CPQ: variants seen among roughly 807,000 people sequenced by gnomAD.
CPQ encodes the protein carboxypeptidase Q.
A neutral mutation model predicts 45.7 loss-of-function variants in CPQ; 37 were observed. The ratio of observed to expected loss-of-function variants is 0.81; its 90% CI spans 0.62 to 1.07. CPQ has a LOEUF of 1.07. Ranked by LOEUF, CPQ falls within the 50% of genes least tolerant of loss-of-function variation. The pLI is 0.00. For missense variants in CPQ, 537 were observed against 572.9 expected (o/e 0.94, Z 0.64); for synonymous variants, 186 against 205.8 (o/e 0.90, Z 0.82).
At chr8:96,757,366 A>G (rs985178668) in intron 1 of CPQ, among the ~76,000 whole-genome samples, 212 of 126,434 alleles carry the variant, frequency 1.7e-3, no homozygotes, top group African/African-American at 4.2e-3. Flanking sequence ...TAATAATAAT[A>G]ATAATAATAA....
chr8:96,800,905 C>T (rs1003682550), intron 2 of CPQ, among the ~76,000 whole-genome samples: 7 of 151,416 alleles, frequency 4.6e-5, no homozygotes, highest in Non-Finnish European at 1.5e-5. Flanking sequence ...GACAAAGAGA[C>T]TTGCGATGAA....
intron 7 of CPQ, among the ~76,000 whole-genome samples, chr8:97,101,676 A>C (rs1340046528): frequency 1.3e-5 from 2 of 150,344 alleles, no homozygotes; most frequent in Middle Eastern, 3.2e-3. Context: ...AGTAGCCAAT[A>C]CCAGAGATCA....
intron 1 of CPQ, among the ~76,000 whole-genome samples, chr8:96,670,627 G>C (rs1048842270): frequency 1.3e-5 from 2 of 152,034 alleles, no homozygotes; most frequent in African/African-American, 4.8e-5. Flanking sequence ...AAAGAATCCA[G>C]TTGTCCTTAA....
intron 7 of CPQ, among the ~76,000 whole-genome samples, chr8:97,096,322 T>C (rs1237259013): frequency 6.6e-6 from 1 of 152,168 alleles, no homozygotes; most frequent in South Asian, 2.1e-4. Context: ...AACCTTATCC[T>C]TATTACTTTA....
chr8:96,829,892 C>T (rs143732809), intron 2 of CPQ, among the ~76,000 whole-genome samples: 117 of 152,180 alleles, frequency 7.7e-4, no homozygotes, highest in Middle Eastern at 3.4e-3. Flanking sequence ...CATTGCCCAG[C>T]GTGAAATTTT....
chr8:97,026,395 A>G (rs1241621038), intron 5 of CPQ, among the ~76,000 whole-genome samples: 1 of 152,224 alleles, frequency 6.6e-6, no homozygotes, highest in African/African-American at 2.4e-5. Flanking sequence ...CAGAGCCAGG[A>G]GTAAAACACA....
At chr8:96,824,381 G>A (rs1046808813) in intron 2 of CPQ, among the ~76,000 whole-genome samples, 1 of 152,024 alleles carries the variant, frequency 6.6e-6, no homozygotes, top group Non-Finnish European at 1.5e-5. Flanking sequence ...TTCCTGGCCA[G>A]AGTACACATA....
At chr8:96,841,885 T>A (rs146478915) in intron 3 of CPQ, among the ~76,000 whole-genome samples, 1 of 152,068 alleles carries the variant, frequency 6.6e-6, no homozygotes, top group East Asian at 1.9e-4. Context: ...AGTACATAAA[T>A]CAATCTCTAT....
chr8:96,966,171 T>A (rs1044308153), intron 5 of CPQ, 125 bp downstream of exon 5: 2 of 634,268 alleles, frequency 3.2e-6, no homozygotes, highest in Admixed American at 7.0e-5. Context: ...GGTCAGTTGA[T>A]TCCCAGAAAA....
intron 5 of CPQ, among the ~76,000 whole-genome samples, chr8:96,995,919 A>C (rs898505534): frequency 6.6e-6 from 1 of 152,016 alleles, no homozygotes; most frequent in Non-Finnish European, 1.5e-5. Flanking sequence ...AATTTGGGAG[A>C]TGAATTAGAG....
intron 2 of CPQ, among the ~76,000 whole-genome samples, chr8:96,791,651 G>T (rs1810847431): frequency 6.6e-6 from 1 of 152,208 alleles, no homozygotes; most frequent in Admixed American, 6.5e-5. Flanking sequence ...GCTCTGAAGA[G>T]ACTGGAGAGT....
chr8:96,718,180 C>G (rs1435961638), intron 1 of CPQ, among the ~76,000 whole-genome samples: 1 of 152,160 alleles, frequency 6.6e-6, no homozygotes, highest in Non-Finnish European at 1.5e-5. Flanking sequence ...GGGAGTTCAT[C>G]CGTACTTGAG....
Position 96,843,884 on chromosome 8 carries a change from G to A in CPQ, c.641+8704G>A, listed in dbSNP as rs527668315. Among the ~76,000 whole-genome samples, 5 of 152,260 alleles carry A rather than the reference G, an allele frequency of 3.3e-5. No homozygotes were observed. The East Asian group carries it at 9.6e-4, about 29-fold the overall frequency. ...AGTATTGCAAACTCCATATTACTAT[G>A]GTGCTTTGTGGGGCTGCTATAATTA... On this transcript the variant is annotated intron_variant, in intron 3 of 7. Coordinates refer to ENST00000220763, the MANE Select transcript of CPQ (RefSeq NM_016134.4).
intron 1 of CPQ, among the ~76,000 whole-genome samples, chr8:96,779,122 A>T (rs1810653122): frequency 6.6e-6 from 1 of 151,452 alleles, no homozygotes; most frequent in African/African-American, 2.4e-5. Context: ...ATGCAAAAGG[A>T]TGTCTGACTT....
intron 3 of CPQ, among the ~76,000 whole-genome samples, chr8:96,842,619 AG>A (rs1454241658): frequency 6.6e-6 from 1 of 152,132 alleles, no homozygotes; most frequent in Non-Finnish European, 1.5e-5. Flanking sequence ...GATTTTTGGA[AG>A]GTACATTCTT....
At chr8:97,044,940 G>C (rs1586512108) in intron 6 of CPQ, among the ~76,000 whole-genome samples, 1 of 152,304 alleles carries the variant, frequency 6.6e-6, no homozygotes, top group Middle Eastern at 3.4e-3. Context: ...CAGGGGTCAG[G>C]GACCCACTTG....
intron 4 of CPQ, among the ~76,000 whole-genome samples, chr8:96,932,974 C>A (rs772858047): frequency 2.6e-5 from 4 of 152,170 alleles, no homozygotes; most frequent in Non-Finnish European, 5.9e-5. Context: ...ACTCTAGCAA[C>A]CATTGGCTTC....
intron 4 of CPQ, among the ~76,000 whole-genome samples, chr8:96,940,178 A>G (rs1327502680): frequency 6.6e-6 from 1 of 152,122 alleles, no homozygotes; most frequent in Non-Finnish European, 1.5e-5. Flanking sequence ...ATTATATTTA[A>G]AAATAATTAA....
chr8:97,021,631 A>G (rs1809685618), intron 5 of CPQ, among the ~76,000 whole-genome samples: 1 of 152,188 alleles, frequency 6.6e-6, no homozygotes, highest in South Asian at 2.1e-4. Flanking sequence ...AGATAATATA[A>G]TAAAATACTT....
Sources: allele counts gnomAD v4.1 joint callset (sites outside exome capture counted in the v4.1 genomes callset), GRCh38; gene constraint gnomAD v4.1.1; transcripts MANE v1.5; gene names NCBI Gene and HGNC (gene_info 2026-07-23, HGNC 2026-07-21).